WNK2: variants seen among roughly 807,000 people sequenced by gnomAD.
The protein encoded by WNK2 is WNK lysine deficient protein kinase 2.
Under a neutral mutation model 192.1 loss-of-function variants are expected in WNK2, and 67 were observed. The ratio of observed to expected loss-of-function variants is 0.35; its 90% CI spans 0.29 to 0.43. The LOEUF (loss-of-function observed/expected upper bound fraction) is 0.43, where lower values mean the gene tolerates loss of function less well. Ranked by LOEUF, WNK2 falls within the 20% of genes least tolerant of loss-of-function variation. The probability of loss-of-function intolerance (pLI) is 1.00; values close to 1 mark genes in which losing one functional copy is unlikely to be tolerated. For missense variants in WNK2, 2,698 were observed against 3,089.7 expected (o/e 0.87, Z 3.01); for synonymous variants, 1,439 against 1,393.9 (o/e 1.03, Z -0.72).
At chr9:93,308,871 C>T in intron 28 of WNK2, 4 of 1,314,772 alleles carry the variant, frequency 3.0e-6, no homozygotes, top group Non-Finnish European at 2.9e-6. Flanking sequence ...CCAGCCTGGG[C>T]AGCCCAAGCC....
intron 28 of WNK2, chr9:93,308,846 G>T: frequency 7.3e-7 from 1 of 1,362,554 alleles, no homozygotes; most frequent in Non-Finnish European, 9.4e-7. Context: ...CCACAGCTCA[G>T]ATACAGCAGC....
intron 19 of WNK2, among the ~76,000 whole-genome samples, chr9:93,288,258 C>T (rs549354503): frequency 7.9e-5 from 12 of 152,338 alleles, no homozygotes; most frequent in Non-Finnish European, 1.2e-4. Flanking sequence ...GCCCTGGCTG[C>T]GCTTCTGACC....
At chr9:93,195,856 C>T (rs1831192762) in intron 2 of WNK2, among the ~76,000 whole-genome samples, 1 of 152,062 alleles carries the variant, frequency 6.6e-6, no homozygotes, top group Admixed American at 6.6e-5. Context: ...TTCAGGGTGT[C>T]ACGACTTCTA....
intron 2 of WNK2, among the ~76,000 whole-genome samples, chr9:93,191,562 G>T (rs372433989): frequency 1.3e-5 from 2 of 152,144 alleles, no homozygotes; most frequent in Non-Finnish European, 2.9e-5. Context: ...CTTGGGGACA[G>T]TTGGGGATGA....
In WNK2 at chr9:93,298,038, G is replaced by A. The variant is rs910665425; in HGVS notation, c.5894G>A (p.Arg1965Gln). 6.4e-6 allele frequency: 10 copies of A among 1,551,766 alleles called. No homozygotes were observed. The highest frequency in any genetic ancestry group is 4.9e-5 in the East Asian group (2 of 40,978). The change falls in exon 24 of 30, where the codon CGG becomes CAG. Residue 1965 changes from arginine (R) to glutamine (Q), a missense_variant. Transcript: ENST00000427277. ...GGCAAGCTGCTAAATCCCCTGGTGC[G>A]GCAGCTCAAGGTCGTGGCCTCCAGC... Reference protein sequence around the residue: ...KAGKLLNPLVRQLKVVASSTG... With the variant: ...KAGKLLNPLVQQLKVVASSTG...
At chr9:93,281,324 G>T (rs1427585335) in intron 19 of WNK2, among the ~76,000 whole-genome samples, 1 of 152,012 alleles carries the variant, frequency 6.6e-6, no homozygotes, top group Non-Finnish European at 1.5e-5. Context: ...TGCATTAAAA[G>T]AAACAAATGA....
intron 19 of WNK2, among the ~76,000 whole-genome samples, chr9:93,284,679 A>C (rs1380640962): frequency 6.6e-6 from 1 of 152,214 alleles, no homozygotes; most frequent in Non-Finnish European, 1.5e-5. Flanking sequence ...AGTGGGACTG[A>C]AGAAGCTCAC....
intron 2 of WNK2, among the ~76,000 whole-genome samples, chr9:93,226,005 G>A (rs910583375): frequency 6.6e-6 from 1 of 152,188 alleles, no homozygotes; most frequent in Non-Finnish European, 1.5e-5. Context: ...AGACTGCATG[G>A]GAAGTTAACT....
intron 2 of WNK2, among the ~76,000 whole-genome samples, chr9:93,214,704 C>A (rs74550889): frequency 4.5e-4 from 42 of 93,936 alleles, no homozygotes; most frequent in Admixed American, 8.3e-4. Flanking sequence ...AGTGCCCCCC[C>A]CCCCCCCGCC....
chr9:93,201,029 A>T (rs948210437), intron 2 of WNK2, among the ~76,000 whole-genome samples: 1 of 152,114 alleles, frequency 6.6e-6, no homozygotes, highest in Non-Finnish European at 1.5e-5. Context: ...TTTTACTGGG[A>T]TGGATTTTTA....
At chr9:93,295,331 A>G (rs1012285093) in intron 23 of WNK2, among the ~76,000 whole-genome samples, 1 of 152,184 alleles carries the variant, frequency 6.6e-6, no homozygotes, top group Non-Finnish European at 1.5e-5. Flanking sequence ...CTCTCTTGAA[A>G]TAGTACTCCC....
intron 26 of WNK2, among the ~76,000 whole-genome samples, chr9:93,300,548 T>C (rs572335668): frequency 2.6e-5 from 4 of 152,286 alleles, no homozygotes; most frequent in Non-Finnish European, 4.4e-5. Flanking sequence ...AATATACATG[T>C]CCGCTGTCCC....
chr9:93,279,664 T>C (rs1022810377), intron 19 of WNK2, among the ~76,000 whole-genome samples: 1 of 152,126 alleles, frequency 6.6e-6, no homozygotes, highest in African/African-American at 2.4e-5. Flanking sequence ...ATAATTATTA[T>C]AAAACTACAG....
intron 2 of WNK2, among the ~76,000 whole-genome samples, chr9:93,218,382 G>C (rs969294849): frequency 2.6e-5 from 4 of 152,190 alleles, no homozygotes; most frequent in Non-Finnish European, 4.4e-5. Context: ...GCCCTTTCTA[G>C]AAACCAGATA....
chr9:93,306,782 G>A lies in WNK2; in HGVS notation c.6220G>A (p.Ala2074Thr), dbSNP rs1403063785. Residue 2074 changes from alanine (A) to threonine (T), a missense_variant, in exon 27 of 30, where the codon GCC becomes ACC. By Grantham distance (58) the Ala-to-Thr change is moderately conservative. Coordinates refer to ENST00000427277, the MANE Select transcript of WNK2 (RefSeq NM_006648.4). The stretch of plus-strand genomic sequence containing the variant: ...CGTTTCTTTTTCCCTTGCAGGGTCT[G>A]CCCTGAAGCGTCTCTGCCTAGGCAA... ...SGPVSVSIWS[A>T]LKRLCLGKEH... is the part of the protein sequence containing the mutation. 6.2e-7 allele frequency: 1 copy of A among 1,614,058 alleles called. No homozygotes were observed. Among genetic ancestry groups the A allele is most frequent in the Non-Finnish European group, 8.5e-7 (1 of 1,179,894 alleles).
chr9:93,238,201 C>T (rs376150035), intron 5 of WNK2, 32 bp from the exon 6 acceptor site: 77 of 1,607,396 alleles, frequency 4.8e-5, no homozygotes, highest in South Asian at 3.0e-4. Flanking sequence ...GGCAGCCGAT[C>T]GGGTCAGGTA....
At chr9:93,270,533 A>C (rs951880013) in intron 19 of WNK2, among the ~76,000 whole-genome samples, 1 of 152,236 alleles carries the variant, frequency 6.6e-6, no homozygotes, top group Non-Finnish European at 1.5e-5. Flanking sequence ...TCAAAGTGCT[A>C]CTGAGCTGGT....
At position 93,260,656 on chromosome 9, in the gene WNK2, A is replaced by C. The variant is rs148811975; in HGVS notation, c.3066+1042A>C. Among the ~76,000 whole-genome samples, 78 of 152,298 alleles carry C rather than the reference A, an allele frequency of 5.1e-4. No individual in the cohort carries two copies. The East Asian group carries it at 0.015, about 28-fold the overall frequency. On this transcript the variant is annotated intron_variant, in intron 12 of 29. Transcript: ENST00000427277. ...CCTGGCCATCACTTCTTGCTGTCTT[A>C]TCTCCAGAGGGCTTTGTGCATAGAG...
At position 93,185,538 on chromosome 9, in the gene WNK2, C is replaced by T. The variant is rs369572332; in HGVS notation, c.609C>T (p.Arg203=). ...RFLKFDIELG[R]GSFKTVYKGL... ...TCAAGTTCGACATCGAGCTGGGCCG[C>T]GGTTCCTTCAAGACGGTCTACAAGG... Residue 203 remains arginine (R), a synonymous_variant, in exon 2 of 30, where the codon CGC becomes CGT. Transcript: ENST00000427277. The T allele has an allele frequency of 1.9e-6, 3 of 1,612,898 alleles. No homozygotes were observed. Among genetic ancestry groups the T allele is most frequent in the African/African-American group, 1.3e-5 (1 of 74,936 alleles).
Sources: gnomAD v4.1 joint callset for allele counts (sites outside exome capture counted in the v4.1 genomes callset) on GRCh38, gnomAD v4.1.1 for gene constraint, MANE v1.5 for transcripts, NCBI Gene and HGNC (gene_info 2026-07-23, HGNC 2026-07-21) for gene names.